The following PTPRE variants were observed in gnomAD, a reference collection of about 807,000 sequenced individuals.
PTPRE encodes protein tyrosine phosphatase receptor type E.
In PTPRE, 51 loss-of-function variants were observed where a neutral mutation model predicts 102.0. That is an observed-to-expected ratio of 0.50 (90% CI 0.40 to 0.63). PTPRE has a LOEUF of 0.63. Ranked by LOEUF, PTPRE falls within the 30% of genes least tolerant of loss-of-function variation. The pLI is 0.00. For missense variants in PTPRE, 752 were observed against 915.1 expected, an observed-to-expected ratio of 0.82 and a Z score of 2.30; for synonymous variants, 345 against 348.2, an observed-to-expected ratio of 0.99 and a Z score of 0.10.
At chr10:128,050,824 G>A (rs1189114827) in intron 6 of PTPRE, among the ~76,000 whole-genome samples, 1 of 152,214 alleles carries the variant, frequency 6.6e-6, no homozygotes, top group Non-Finnish European at 1.5e-5. Flanking sequence ...ACAGTGTTGT[G>A]CAGTTGTTAT....
At chr10:127,998,783 G>T (rs1379630758) in intron 2 of PTPRE, 1 of 152,088 alleles carries the variant, frequency 6.6e-6, no homozygotes, top group East Asian at 1.9e-4. Flanking sequence ...ACTTCTTTAT[G>T]AAGTCGCCGT....
chr10:127,942,278 G>A (rs1051712996), intron 1 of PTPRE, among the ~76,000 whole-genome samples: 7 of 152,182 alleles, frequency 4.6e-5, no homozygotes, highest in African/African-American at 1.2e-4. Flanking sequence ...TATCAGAAAC[G>A]GAAGAATGTT....
chr10:128,003,473 T>A (rs1222962332), intron 2 of PTPRE, among the ~76,000 whole-genome samples: 1 of 152,162 alleles, frequency 6.6e-6, no homozygotes, highest in East Asian at 1.9e-4. Context: ...CTATACTCTG[T>A]TACATTCATC....
chr10:128,033,676 G>A (rs1485329065), intron 2 of PTPRE, among the ~76,000 whole-genome samples: 4 of 152,254 alleles, frequency 2.6e-5, no homozygotes, highest in East Asian at 1.9e-4. Flanking sequence ...ATGGAGTGTC[G>A]CTCTGTCACC....
At chr10:128,032,886 T>C (rs775565697) in intron 2 of PTPRE, among the ~76,000 whole-genome samples, 17 of 152,248 alleles carry the variant, frequency 1.1e-4, no homozygotes, top group Non-Finnish European at 5.9e-5. Flanking sequence ...CTATTTAAAT[T>C]ATGTTTCAAT....
intron 1 of PTPRE, among the ~76,000 whole-genome samples, chr10:127,955,609 G>T (rs61873696): frequency 0.062 from 9,511 of 152,196 alleles, 422 homozygotes; most frequent in Middle Eastern, 0.099. Flanking sequence ...TGTTAATTTT[G>T]TATCATAGTA....
intron 1 of PTPRE, among the ~76,000 whole-genome samples, chr10:127,968,768 TA>T (rs1850460959): frequency 6.6e-6 from 1 of 152,260 alleles, no homozygotes; most frequent in Admixed American, 6.5e-5. Context: ...GCATTAAGTT[TA>T]AAAATATGTT....
rs563455657 is a variant in PTPRE at position 127,967,870 on chromosome 10, C to T, written c.-30-14404C>T. ...ACCATAGATTAGTTTCGCCTGCTTTCGAACTTTCTATAAGCTGGATCATAG... is the reference window on the plus strand; with the variant it reads ...ACCATAGATTAGTTTCGCCTGCTTTTGAACTTTCTATAAGCTGGATCATAG... On this transcript the variant is annotated intron_variant, in intron 1 of 20. Coordinates refer to ENST00000254667, the MANE Select transcript of PTPRE (RefSeq NM_006504.6). Among the ~76,000 whole-genome samples, 44 of 152,298 alleles carry T rather than the reference C, an allele frequency of 2.9e-4. No homozygotes were observed. In the Middle Eastern group the frequency reaches 0.01, roughly 35 times the overall value.
chr10:128,064,144 C>G (rs542090453), intron 10 of PTPRE, among the ~76,000 whole-genome samples: 1 of 152,268 alleles, frequency 6.6e-6, no homozygotes, highest in East Asian at 1.9e-4. Flanking sequence ...GAGTACCAGG[C>G]CTTGGGGAGC....
chr10:128,041,975 C>T (rs1259708775), intron 3 of PTPRE, among the ~76,000 whole-genome samples: 1 of 152,162 alleles, frequency 6.6e-6, no homozygotes, highest in African/African-American at 2.4e-5. Flanking sequence ...GACAGAACCT[C>T]TAGCAAGGAG....
chr10:127,941,507 G>A (rs1398787663), intron 1 of PTPRE, among the ~76,000 whole-genome samples: 1 of 152,222 alleles, frequency 6.6e-6, no homozygotes, highest in East Asian at 1.9e-4. Context: ...GGGCTCACAG[G>A]AGCACGTCTT....
chr10:127,937,547 T>C (rs2135272424), intron 1 of PTPRE, among the ~76,000 whole-genome samples: 1 of 152,324 alleles, frequency 6.6e-6, no homozygotes, highest in East Asian at 1.9e-4. Flanking sequence ...GGAATTTTTT[T>C]GCTTATACTT....
intron 10 of PTPRE, among the ~76,000 whole-genome samples, chr10:128,065,512 G>T (rs2135980673): frequency 6.6e-6 from 1 of 152,302 alleles, no homozygotes; most frequent in East Asian, 1.9e-4. Context: ...CTGTAGCAAT[G>T]CACCCTCTTC....
At chr10:127,980,938 C>G (rs1436095064) in intron 1 of PTPRE, among the ~76,000 whole-genome samples, 1 of 152,156 alleles carries the variant, frequency 6.6e-6, no homozygotes, top group Non-Finnish European at 1.5e-5. Context: ...CCACCCTTCA[C>G]CAGTGCAGAC....
At chr10:127,938,410 C>T (rs1198279397) in intron 1 of PTPRE, among the ~76,000 whole-genome samples, 1 of 151,866 alleles carries the variant, frequency 6.6e-6, no homozygotes, top group Non-Finnish European at 1.5e-5. Flanking sequence ...CTCAGCTCAC[C>T]CTGTCCCAGC....
rs150194305 is a variant in PTPRE at position 127,950,568 on chromosome 10, C to T, written c.-30-31706C>T. Among the ~76,000 whole-genome samples the T allele has an allele frequency of 2.1e-3, 314 of 152,282 alleles. 5 individuals are homozygous for T. The highest frequency in any genetic ancestry group is 1.6e-3 in the Non-Finnish European group (111 of 68,020). On this transcript the variant is annotated intron_variant, in intron 1 of 20. Transcript: ENST00000254667. ...GTGCCAGCATCCCTGAAGAGCTCCG[C>T]GATTGCTCTTCTCTGTAGGCTGGAC...
chr10:128,070,227 G>T lies in PTPRE; in HGVS notation c.1144-74G>T. 1.3e-6 allele frequency: 2 copies of T among 1,490,346 alleles called. No homozygotes were observed. The highest frequency in any genetic ancestry group is 1.3e-5 in the South Asian group (1 of 74,298). The allele number at this position is 1,490,346 out of a possible 1,614,324, so 92.3% of individuals were successfully genotyped here. A position where few individuals can be genotyped will look rare whatever the true frequency, so the allele number is the denominator to read the frequency against. ...GAAAAAGAAGAAAGCCGCCCTCTTT[G>T]GTCTGCCAAGCTCCACGTGGGCCAA... is the stretch of plus-strand genomic sequence containing the variant. On this transcript the variant is annotated intron_variant, in intron 13 of 20. Coordinates refer to ENST00000254667, the MANE Select transcript of PTPRE (RefSeq NM_006504.6). This position sits in a 1 kb window ranked among gnomAD's most constrained non-coding sequence, Gnocchi z 4.8.
intron 2 of PTPRE, among the ~76,000 whole-genome samples, chr10:127,984,471 T>C (rs1851915125): frequency 1.3e-5 from 2 of 152,280 alleles, no homozygotes; most frequent in South Asian, 4.1e-4. Context: ...GAAATCTTTC[T>C]CTTGACACGA....
Position 127,907,445 on chromosome 10 carries a change from C to A in PTPRE, c.-31+136C>A. ...CGCTCCGGGGCTCAGAGTCCGGACC[C>A]CGGCCCCGCCGCCCCCGCGGCGCGC... On this transcript the variant is annotated intron_variant, in intron 1 of 20. Transcript: ENST00000254667. The surrounding 1 kb of genome is among the most constrained non-coding windows in gnomAD (Gnocchi z 4.8). 1 of 601,910 alleles carries A rather than the reference C, an allele frequency of 1.7e-6. No homozygotes were observed. The highest frequency in any genetic ancestry group is 2.1e-6 in the Non-Finnish European group (1 of 480,330). The allele number at this position is 601,910 out of a possible 1,614,324, so 37.3% of individuals were successfully genotyped here. A position where few individuals can be genotyped will look rare whatever the true frequency, so the allele number is the denominator to read the frequency against.
Sources: gnomAD v4.1 joint callset for allele counts (sites outside exome capture counted in the v4.1 genomes callset) on GRCh38, gnomAD v4.1.1 for gene constraint, Gnocchi (gnomAD v3.1) non-coding constraint, MANE v1.5 for transcripts, NCBI Gene and HGNC (gene_info 2026-07-23, HGNC 2026-07-21) for gene names.